ACSL3: variants seen among roughly 807,000 people sequenced by gnomAD.
ACSL3 encodes the protein acyl-CoA synthetase long chain family member 3.
In ACSL3, 34 loss-of-function variants were observed where a neutral mutation model predicts 84.7. That is an observed-to-expected ratio of 0.40 (90% CI 0.31 to 0.53). ACSL3 has a LOEUF of 0.53. ACSL3 is among the 20% of genes least tolerant of loss of function. ACSL3 has a pLI of 0.48. For synonymous variants in ACSL3, 315 were observed against 299.4 expected, an observed-to-expected ratio of 1.05 and a Z score of -0.54; for missense variants, 680 against 873.1, an observed-to-expected ratio of 0.78 and a Z score of 2.79.
At chr2:222,928,817 A>AT (rs756126323) in intron 12 of ACSL3, 45 bp from the exon 13 acceptor site, 35 of 1,457,346 alleles carry the variant, frequency 2.4e-5, no homozygotes, top group South Asian at 1.9e-4. Context: ...GAAGCAGTGT[A>AT]TTAGCTACTG....
intron 1 of ACSL3, among the ~76,000 whole-genome samples, chr2:222,882,476 G>A (rs1360917171): frequency 6.6e-6 from 1 of 152,176 alleles, no homozygotes; most frequent in Non-Finnish European, 1.5e-5. Context: ...CGAGGAGGCA[G>A]TGGGGTGGGG....
At chr2:222,900,064 A>G (rs1696098640) in intron 2 of ACSL3, among the ~76,000 whole-genome samples, 1 of 152,238 alleles carries the variant, frequency 6.6e-6, no homozygotes, top group South Asian at 2.1e-4. Flanking sequence ...AAGGTGTAGC[A>G]ACATAAAGTA....
chr2:222,892,894 T>C (rs547134851), intron 2 of ACSL3, among the ~76,000 whole-genome samples: 43 of 152,296 alleles, frequency 2.8e-4, no homozygotes, highest in African/African-American at 1.0e-3. Flanking sequence ...CAGAATTGTT[T>C]CCCATTTATT....
In ACSL3 at chr2:222,919,088, C is replaced by T. The variant is rs755869725; in HGVS notation, c.691C>T (p.Leu231=). The T allele has an allele frequency of 3.2e-5, 52 of 1,613,946 alleles. No homozygotes were observed. The highest frequency in any genetic ancestry group is 1.6e-4 in the Middle Eastern group (1 of 6,082). The change falls in exon 7 of 17, where the codon CTG becomes TTG. Residue 231 remains leucine (L), a synonymous_variant. Transcript: ENST00000357430. The part of the protein sequence containing the change: ...LKDIVSLVPR[L]RHIITVDGKP... ...GGATATAGTTTCTTTGGTCCCACGC[C>T]TGCGGCACATCATCACTGTTGATGG... is the stretch of plus-strand genomic sequence containing the variant.
chr2:222,931,712 C>A (rs13012131), intron 14 of ACSL3, among the ~76,000 whole-genome samples: 1 of 152,136 alleles, frequency 6.6e-6, no homozygotes, highest in Non-Finnish European at 1.5e-5. Flanking sequence ...TCTTACTGGC[C>A]ACAACCATTT....
chr2:222,929,925 T>C (rs1030769489), intron 13 of ACSL3, among the ~76,000 whole-genome samples: 1 of 3,536 alleles, frequency 2.8e-4, no homozygotes, highest in South Asian at 0.028. Flanking sequence ...GTAACTCACT[T>C]TTTTTTTTTT....
chr2:222,866,295 A>G (rs907048414), intron 1 of ACSL3, among the ~76,000 whole-genome samples: 31 of 152,012 alleles, frequency 2.0e-4, no homozygotes, highest in Admixed American at 6.6e-4. Flanking sequence ...ACAGGTGCCC[A>G]CCACCATGCC....
chr2:222,934,436 T>A, intron 15 of ACSL3, 94 bp from the exon 16 acceptor site: 1 of 1,040,670 alleles, frequency 9.6e-7, no homozygotes, highest in Non-Finnish European at 1.3e-6. Flanking sequence ...TTAAAAAAAA[T>A]GAGGAGTTAT....
At chr2:222,925,217 T>C (rs2106133283) in intron 11 of ACSL3, among the ~76,000 whole-genome samples, 1 of 151,560 alleles carries the variant, frequency 6.6e-6, no homozygotes, top group Non-Finnish European at 1.5e-5. Flanking sequence ...GTGCCTGTAG[T>C]CTCAGCTGTT....
At chr2:222,928,474 G>T (rs1574563387) in intron 12 of ACSL3, among the ~76,000 whole-genome samples, 1 of 152,118 alleles carries the variant, frequency 6.6e-6, no homozygotes, top group East Asian at 1.9e-4. Flanking sequence ...AGTCAAGTGG[G>T]CCCTAATGTA....
At chr2:222,870,726 T>C (rs1454556130) in intron 1 of ACSL3, among the ~76,000 whole-genome samples, 2 of 152,142 alleles carry the variant, frequency 1.3e-5, no homozygotes, top group African/African-American at 4.8e-5. Flanking sequence ...AAGAAGTGGA[T>C]GGAATTGATT....
At chr2:222,869,195 C>G (rs539830355) in intron 1 of ACSL3, among the ~76,000 whole-genome samples, 78 of 152,114 alleles carry the variant, frequency 5.1e-4, no homozygotes, top group Non-Finnish European at 9.3e-4. Flanking sequence ...GGAGAAGGAA[C>G]CATTGCCATC....
At chr2:222,926,007 C>T (rs963657962) in intron 11 of ACSL3, among the ~76,000 whole-genome samples, 1 of 152,040 alleles carries the variant, frequency 6.6e-6, no homozygotes, top group Non-Finnish European at 1.5e-5. Context: ...TTTTTCCTGC[C>T]TTACGTTAGT....
chr2:222,882,156 CAT>C (rs930313679), intron 1 of ACSL3, among the ~76,000 whole-genome samples: 3 of 152,190 alleles, frequency 2.0e-5, no homozygotes, highest in African/African-American at 4.8e-5. Context: ...AATATATGCA[CAT>C]GATTGAGGAC....
chr2:222,867,824 G>A lies in ACSL3; in HGVS notation c.-207+6566G>A, dbSNP rs931122218. On this transcript the variant is annotated intron_variant, in intron 1 of 16. Coordinates refer to ENST00000357430, the MANE Select transcript of ACSL3 (RefSeq NM_004457.5). ...AGTTAACCTGTGCTCCTTTTTCTCTGTTCTTCACATTTTTGTCTCGGCCTT... is the reference window on the plus strand; with the variant it reads ...AGTTAACCTGTGCTCCTTTTTCTCTATTCTTCACATTTTTGTCTCGGCCTT... 5.3e-5 allele frequency among the ~76,000 whole-genome samples: 8 copies of A among 151,644 alleles called. No homozygotes were observed. The South Asian group carries it at 1.7e-3, about 32-fold the overall frequency.
chr2:222,862,414 A>G (rs1695037893), intron 1 of ACSL3, among the ~76,000 whole-genome samples: 1 of 152,078 alleles, frequency 6.6e-6, no homozygotes, highest in Admixed American at 6.6e-5. Context: ...TCCACAGTGG[A>G]TTTTAGTCTG....
rs1414725333 is a variant in ACSL3 at position 222,943,919 on chromosome 2, G to A, written c.*2265G>A. 1.3e-5 allele frequency: 2 copies of A among 151,920 alleles called. No homozygotes were observed. The highest frequency in any genetic ancestry group is 1.9e-4 in the East Asian group (1 of 5,186). The allele number at this position is 151,920 out of a possible 1,614,324, so 9.4% of individuals were successfully genotyped here. A position where few individuals can be genotyped will look rare whatever the true frequency, so the allele number is the denominator to read the frequency against. ...ATCTAATACAAATATCTGACAATAA[G>A]ATACAGATCTAAAAGAATGGTTCTT... On this transcript the variant is annotated 3_prime_UTR_variant, in exon 17 of 17. Coordinates refer to ENST00000357430, the MANE Select transcript of ACSL3 (RefSeq NM_004457.5).
rs1176069050 is a variant in ACSL3 at position 222,944,159 on chromosome 2, C to T, written c.*2505C>T. The T allele has an allele frequency of 2.0e-5, 3 of 152,070 alleles. No individual in the cohort carries two copies. Among genetic ancestry groups the T allele is most frequent in the Non-Finnish European group, 4.4e-5 (3 of 67,972 alleles). The allele number at this position is 152,070 out of a possible 1,614,324, so 9.4% of individuals were successfully genotyped here. A position where few individuals can be genotyped will look rare whatever the true frequency, so the allele number is the denominator to read the frequency against. ...GAAAGTAGTATCTACTTTCTAAATA[C>T]TACTTTGCTTTTCAGTAGTGGATTT... On this transcript the variant is annotated 3_prime_UTR_variant, in exon 17 of 17. Coordinates refer to ENST00000357430, the MANE Select transcript of ACSL3 (RefSeq NM_004457.5).
chr2:222,931,466 C>G (rs886744950), intron 14 of ACSL3, among the ~76,000 whole-genome samples: 18 of 151,898 alleles, frequency 1.2e-4, no homozygotes, highest in African/African-American at 4.3e-4. Context: ...TAACTAGAAA[C>G]CTGGGAGGAG....
Sources: gnomAD v4.1 joint callset for allele counts (sites outside exome capture counted in the v4.1 genomes callset) on GRCh38, gnomAD v4.1.1 for gene constraint, MANE v1.5 for transcripts, NCBI Gene and HGNC (gene_info 2026-07-23, HGNC 2026-07-21) for gene names.